DAB1: variants seen among roughly 807,000 people sequenced by gnomAD.
DAB1 encodes DAB adaptor protein 1.
In DAB1, 15 loss-of-function variants were observed where a neutral mutation model predicts 64.6. That is an observed-to-expected ratio of 0.23 (90% CI 0.16 to 0.36). The LOEUF is 0.36. DAB1 is among the 10% of genes least tolerant of loss of function. The pLI is 1.00. For missense variants in DAB1, 596 were observed against 706.7 expected (o/e 0.84, Z 1.78); for synonymous variants, 235 against 251.9 (o/e 0.93, Z 0.64).
At chr1:57,015,834 T>C (rs1229556051) in intron 11 of DAB1, among the ~76,000 whole-genome samples, 1 of 152,226 alleles carries the variant, frequency 6.6e-6, no homozygotes, top group East Asian at 1.9e-4. Flanking sequence ...GCATAAGCTC[T>C]CTAAGAGTCT....
At chr1:58,125,026 G>A (rs988189968) in intron 5 of DAB1, among the ~76,000 whole-genome samples, 5 of 152,060 alleles carry the variant, frequency 3.3e-5, no homozygotes, top group African/African-American at 9.7e-5. Context: ...GGGATTCAAG[G>A]TCTGATTTTC....
At chr1:58,200,951 T>C (rs897914441) in intron 4 of DAB1, among the ~76,000 whole-genome samples, 6 of 152,182 alleles carry the variant, frequency 3.9e-5, no homozygotes, top group Non-Finnish European at 8.8e-5. Flanking sequence ...GGTTTCATCT[T>C]TACTAGAGGT....
At chr1:58,039,234 C>A (rs1318077276) in intron 5 of DAB1, among the ~76,000 whole-genome samples, 1 of 152,174 alleles carries the variant, frequency 6.6e-6, no homozygotes, top group Non-Finnish European at 1.5e-5. Flanking sequence ...CCTCCTTTAT[C>A]TACTCTAGCC....
At chr1:57,969,300 T>G (rs573748101) in intron 5 of DAB1, among the ~76,000 whole-genome samples, 1 of 152,228 alleles carries the variant, frequency 6.6e-6, no homozygotes, top group African/African-American at 2.4e-5. Context: ...CTTTTAGAGC[T>G]TCACAAATGT....
intron 7 of DAB1, among the ~76,000 whole-genome samples, chr1:57,487,425 TCAC>T (rs1644106116): frequency 6.6e-6 from 1 of 152,182 alleles, no homozygotes; most frequent in South Asian, 2.1e-4. Flanking sequence ...TGTAGATCCT[TCAC>T]CACGTGTGGC....
rs1557573590 is a variant in DAB1 at position 57,951,331 on chromosome 1, TA to T, written n.388-67170del. 5.1e-5 allele frequency among the ~76,000 whole-genome samples: 7 copies of T among 137,580 alleles called. 1 individual carries two copies. Among genetic ancestry groups the T allele is most frequent in the Admixed American group, 1.6e-4 (2 of 12,814 alleles). The allele number at this position is 137,580 out of a possible 152,430, so 90.3% of individuals were successfully genotyped here. A position where few individuals can be genotyped will look rare whatever the true frequency, so the allele number is the denominator to read the frequency against. On this transcript the variant is annotated intron_variant and non_coding_transcript_variant, in intron 5 of 20. Transcript: ENST00000485760. ...GGAGCCTGATTCATATATATATATA[TA>T]CTTCCCTGGAAACTTAAATTAGCCC...
At chr1:57,078,486 G>A (rs1652191726) in intron 4 of DAB1, among the ~76,000 whole-genome samples, 1 of 152,036 alleles carries the variant, frequency 6.6e-6, no homozygotes, top group Non-Finnish European at 1.5e-5. Flanking sequence ...TATGAAATGA[G>A]ATACCATTTT....
At chr1:57,650,519 T>G (rs1156474751) in intron 6 of DAB1, among the ~76,000 whole-genome samples, 1 of 152,232 alleles carries the variant, frequency 6.6e-6, no homozygotes, top group Admixed American at 6.5e-5. Context: ...AAAAATAATT[T>G]TTTAAATGTT....
intron 2 of DAB1, among the ~76,000 whole-genome samples, chr1:57,216,460 T>C (rs1200549282): frequency 6.6e-6 from 1 of 152,184 alleles, no homozygotes; most frequent in Non-Finnish European, 1.5e-5. Flanking sequence ...ATACCCTGGA[T>C]ATCCAAGATG....
intron 1 of DAB1, chr1:57,862,607 A>G (rs1184653703): frequency 6.6e-6 from 1 of 152,218 alleles, no homozygotes; most frequent in Non-Finnish European, 1.5e-5. Flanking sequence ...ATATTCTTAC[A>G]ACTCTAAAAT....
At chr1:57,145,510 T>C (rs1659036204) in intron 2 of DAB1, 81 bp from the exon 3 acceptor site, 1 of 1,462,926 alleles carries the variant, frequency 6.8e-7, no homozygotes, top group Non-Finnish European at 9.4e-7. Context: ...CAAGATCCGC[T>C]GTCTGGTTTC....
At chr1:57,678,101 C>A (rs1646589596) in intron 6 of DAB1, among the ~76,000 whole-genome samples, 1 of 152,050 alleles carries the variant, frequency 6.6e-6, no homozygotes, top group Admixed American at 6.6e-5. Flanking sequence ...GGTTGAAAAT[C>A]CACAGACATG....
chr1:57,710,783 C>A (rs1011741330), intron 6 of DAB1, among the ~76,000 whole-genome samples: 2 of 151,948 alleles, frequency 1.3e-5, no homozygotes, highest in Non-Finnish European at 2.9e-5. Flanking sequence ...GTTTAATAGA[C>A]AAGAGGCCAG....
At chr1:57,528,471 T>C (rs998148740) in intron 7 of DAB1, among the ~76,000 whole-genome samples, 1 of 152,126 alleles carries the variant, frequency 6.6e-6, no homozygotes. Context: ...GATGAATTAT[T>C]TTGATGACTT....
chr1:57,246,737 T>C (rs960561639), intron 2 of DAB1, among the ~76,000 whole-genome samples: 41 of 152,328 alleles, frequency 2.7e-4, no homozygotes, highest in African/African-American at 9.6e-4. Context: ...GGCTATATCC[T>C]GCAGCGCTCC....
intron 7 of DAB1, among the ~76,000 whole-genome samples, chr1:57,556,259 C>T (rs12564935): frequency 0.21 from 32,124 of 151,852 alleles, 3,588 homozygotes; most frequent in Non-Finnish European, 0.24. Context: ...GTATCTTTTT[C>T]GTATAATGAC....
exon 3 of DAB1, chr1:58,506,158 C>T (rs377037170): frequency 4.6e-6 from 4 of 872,162 alleles, no homozygotes; most frequent in African/African-American, 1.6e-5. Flanking sequence ...AGGCTATCAA[C>T]GAACTCCATT....
chr1:58,060,558 C>T (rs147113034), intron 5 of DAB1, among the ~76,000 whole-genome samples: 249 of 152,290 alleles, frequency 1.6e-3, no homozygotes, highest in African/African-American at 5.6e-3. Context: ...ATTGAGAAAC[C>T]GCAGATGCCC....
intron 4 of DAB1, among the ~76,000 whole-genome samples, chr1:58,151,571 T>G (rs2100733766): frequency 6.6e-6 from 1 of 152,300 alleles, no homozygotes; most frequent in Non-Finnish European, 1.5e-5. Flanking sequence ...ATCTTGAAAA[T>G]TTGTAAACAA....
Sources: gnomAD v4.1 joint callset for allele counts (sites outside exome capture counted in the v4.1 genomes callset) on GRCh38, gnomAD v4.1.1 for gene constraint, MANE v1.5 for transcripts, NCBI Gene and HGNC (gene_info 2026-07-23, HGNC 2026-07-21) for gene names.